The following M1AP variants were observed in gnomAD, a reference collection of about 807,000 sequenced individuals.
M1AP encodes meiosis 1 associated protein.
A neutral mutation model predicts 51.2 loss-of-function variants in M1AP; 39 were observed. That is an observed-to-expected ratio of 0.76 (90% CI 0.59 to 1.00). The LOEUF (loss-of-function observed/expected upper bound fraction) is 1.00. M1AP is among the 50% of genes least tolerant of loss of function. M1AP has a pLI of 0.00. For missense variants in M1AP, 545 were observed against 641.2 expected (o/e 0.85, Z 1.62); for synonymous variants, 251 against 249.2 (o/e 1.01, Z -0.07).
intron 1 of M1AP, among the ~76,000 whole-genome samples, chr2:74,646,600 GAAGT>G (rs1208156057): frequency 2.0e-5 from 3 of 152,172 alleles, no homozygotes; most frequent in African/African-American, 7.2e-5. Context: ...AACTTAGAAA[GAAGT>G]ATGTCAGTTT....
chr2:74,607,660 A>G (rs1681098310), intron 3 of M1AP, among the ~76,000 whole-genome samples: 1 of 152,052 alleles, frequency 6.6e-6, no homozygotes, highest in Non-Finnish European at 1.5e-5. Context: ...TATTTTTAGT[A>G]GAACGGGGTT....
intron 2 of M1AP, among the ~76,000 whole-genome samples, chr2:74,625,145 C>A (rs148469161): frequency 6.6e-6 from 1 of 152,216 alleles, no homozygotes; most frequent in East Asian, 1.9e-4. Flanking sequence ...GACATCTCTG[C>A]ATATTTGGGT....
chr2:74,562,526 A>T, intron 7 of M1AP, 103 bp from the exon 8 acceptor site: 1 of 1,290,260 alleles, frequency 7.8e-7, no homozygotes, highest in Non-Finnish European at 1.1e-6. Context: ...GGTGCTGAGG[A>T]GGGCAGAGCC....
intron 1 of M1AP, among the ~76,000 whole-genome samples, chr2:74,641,326 C>T (rs1257521038): frequency 6.6e-6 from 1 of 152,128 alleles, no homozygotes; most frequent in Non-Finnish European, 1.5e-5. Context: ...ATCCCCAGGA[C>T]TCAGATTAGG....
chr2:74,615,024 T>C lies in M1AP; in HGVS notation c.366A>G (p.Gln122=), dbSNP rs34629223. The C allele has an allele frequency of 7.7e-3, 12,430 of 1,614,156 alleles. 50 individuals are homozygous for C. The highest frequency in any genetic ancestry group is 9.7e-3 in the Non-Finnish European group (11,457 of 1,180,006). The change falls in exon 3 of 11, where the codon CAA becomes CAG. Residue 122 remains glutamine, a synonymous_variant. Coordinates refer to ENST00000421985, the MANE Select transcript of M1AP (RefSeq NM_001321739.2). ...TCACATGTCTGCTGTATTGTTTGAATTGCTGGAGCCCATCCTCTACTGCCA... is the reference window on the plus strand; with the variant it reads ...TCACATGTCTGCTGTATTGTTTGAACTGCTGGAGCCCATCCTCTACTGCCA... The part of the protein sequence containing the change: ...LRLAVEDGLQ[Q]FKQYSRHVTT...
In M1AP at chr2:74,615,052, C is replaced by A; in HGVS notation, c.338G>T (p.Arg113Leu). The change falls in exon 3 of 11, where the codon CGG becomes CTG. Residue 113 changes from arginine (R) to leucine (L), a missense_variant. Transcript: ENST00000421985. ...CTGGAGCCCATCCTCTACTGCCAGCCGCAGAGAAGCACCTTGTGATCTGAA... is the reference window on the plus strand; with the variant it reads ...CTGGAGCCCATCCTCTACTGCCAGCAGCAGAGAAGCACCTTGTGATCTGAA... ...GCFRSQGASL[R>L]LAVEDGLQQF... 6.2e-7 allele frequency: 1 copy of A among 1,614,102 alleles called. No homozygotes were observed. The highest frequency in any genetic ancestry group is 8.5e-7 in the Non-Finnish European group (1 of 1,180,014).
rs147739874 is a variant in M1AP at position 74,592,711 on chromosome 2, A to G, written c.596-10864T>C. Among the ~76,000 whole-genome samples, 64 of 152,328 alleles carry G rather than the reference A, an allele frequency of 4.2e-4. No homozygotes were observed. The East Asian group carries it at 0.01, about 24-fold the overall frequency. On this transcript the variant is annotated intron_variant, in intron 4 of 10. Coordinates refer to ENST00000421985, the MANE Select transcript of M1AP (RefSeq NM_001321739.2). ...TGTACCTGGATTTTGAGTCATAGTT[A>G]GATGACCTTTATCTATGCTGAGATT... is the stretch of plus-strand genomic sequence containing the variant.
chr2:74,631,372 A>G (rs1332543852), intron 2 of M1AP, among the ~76,000 whole-genome samples: 2 of 152,188 alleles, frequency 1.3e-5, no homozygotes, highest in East Asian at 3.8e-4. Flanking sequence ...AGTATCTATC[A>G]ATTCACCACT....
intron 7 of M1AP, 25 bp from the exon 8 acceptor site, chr2:74,562,448 C>T (rs1678089246): frequency 1.2e-6 from 2 of 1,613,144 alleles, no homozygotes; most frequent in Non-Finnish European, 1.7e-6. Context: ...TACAGAAATA[C>T]TGGTTCATCT....
chr2:74,643,218 C>T (rs1163680274), intron 1 of M1AP, among the ~76,000 whole-genome samples: 3 of 151,440 alleles, frequency 2.0e-5, no homozygotes, highest in African/African-American at 7.3e-5. Context: ...TCACAATTAC[C>T]CAAAACTGAA....
intron 2 of M1AP, among the ~76,000 whole-genome samples, chr2:74,636,661 T>C (rs978224126): frequency 2.0e-5 from 3 of 152,162 alleles, no homozygotes; most frequent in Admixed American, 1.3e-4. Flanking sequence ...ACATTGTACA[T>C]AGAAACTTAT....
At chr2:74,589,053 C>G (rs554232115) in intron 4 of M1AP, among the ~76,000 whole-genome samples, 2 of 152,018 alleles carry the variant, frequency 1.3e-5, no homozygotes, top group Non-Finnish European at 1.5e-5. Context: ...AATAAAGGGG[C>G]GTGTGTGTGT....
intron 9 of M1AP, 39 bp from the exon 10 acceptor site, chr2:74,559,748 T>C: frequency 1.4e-6 from 1 of 717,940 alleles, no homozygotes; most frequent in East Asian, 2.7e-5. Flanking sequence ...AAGCAAGCAC[T>C]TATCATAAAA....
At chr2:74,631,452 T>G (rs930073136) in intron 2 of M1AP, among the ~76,000 whole-genome samples, 4 of 152,152 alleles carry the variant, frequency 2.6e-5, no homozygotes, top group Non-Finnish European at 5.9e-5. Flanking sequence ...CACTAACTTA[T>G]AGTTTATTAT....
intron 7 of M1AP, among the ~76,000 whole-genome samples, chr2:74,566,987 AGACAT>A (rs1307151517): frequency 2.0e-5 from 3 of 152,220 alleles, no homozygotes; most frequent in African/African-American, 7.2e-5. Flanking sequence ...TAGTTCACAC[AGACAT>A]GACTTTGTAA....
chr2:74,626,804 T>C (rs1445920051), intron 2 of M1AP, among the ~76,000 whole-genome samples: 1 of 152,364 alleles, frequency 6.6e-6, no homozygotes, highest in East Asian at 1.9e-4. Flanking sequence ...AAATGCTATC[T>C]TTATTACACA....
At chr2:74,619,563 C>T (rs970432549) in intron 2 of M1AP, among the ~76,000 whole-genome samples, 5 of 152,184 alleles carry the variant, frequency 3.3e-5, no homozygotes, top group African/African-American at 4.8e-5. Context: ...AAAACTTTAT[C>T]TATACAAAGT....
rs1171755083 is a variant in M1AP at position 74,647,379 on chromosome 2, C to G, written c.-53+886G>C. The G allele has an allele frequency of 4.1e-6, 4 of 985,218 alleles. No homozygotes were observed. In the African/African-American group the frequency reaches 5.2e-5, roughly 13 times the overall value. 61.0% of individuals were successfully genotyped at this position (985,218 alleles called of 1,614,324 possible). ...TTACAAGCCCTCATTCACTTTGTCGCGTGATAAACGATTCAATGGTTCTCC... is the reference window on the plus strand; with the variant it reads ...TTACAAGCCCTCATTCACTTTGTCGGGTGATAAACGATTCAATGGTTCTCC... On this transcript the variant is annotated intron_variant, in intron 1 of 10. Transcript: ENST00000421985.
intron 5 of M1AP, among the ~76,000 whole-genome samples, chr2:74,578,174 C>T (rs1200060467): frequency 2.6e-5 from 4 of 152,172 alleles, no homozygotes; most frequent in Non-Finnish European, 5.9e-5. Flanking sequence ...TTGGGGACCC[C>T]GATCTAGGAA....
Sources: allele counts gnomAD v4.1 joint callset (sites outside exome capture counted in the v4.1 genomes callset), GRCh38; gene constraint gnomAD v4.1.1; transcripts MANE v1.5; gene names NCBI Gene and HGNC (gene_info 2026-07-23, HGNC 2026-07-21).